CREB5: variants seen among roughly 807,000 people sequenced by gnomAD.
CREB5 encodes cyclic AMP-responsive element-binding protein 5.
Under a neutral mutation model 57.1 loss-of-function variants are expected in CREB5, and 19 were observed. The ratio of observed to expected loss-of-function variants is 0.33; its 90% CI spans 0.23 to 0.49. The LOEUF (loss-of-function observed/expected upper bound fraction) is 0.49, where lower values mean the gene tolerates loss of function less well. Ranked by LOEUF, CREB5 falls within the 20% of genes least tolerant of loss-of-function variation. CREB5 has a pLI of 0.99. For missense variants in CREB5, 579 were observed against 671.6 expected, an observed-to-expected ratio of 0.86 and a Z score of 1.52; for synonymous variants, 238 against 238.3, an observed-to-expected ratio of 1.00 and a Z score of 0.01.
intron 1 of CREB5, among the ~76,000 whole-genome samples, chr7:28,451,450 CTGTGTGTGTGTGTGTGTGTG>C (rs6150047): frequency 3.4e-5 from 5 of 146,922 alleles, no homozygotes; most frequent in South Asian, 4.5e-4. Flanking sequence ...CTTTGCCAAA[CTGTGTGTGTGTGTGTGTGTG>C]TGTGTGTGTG....
chr7:28,815,593 A>G (rs556082664), intron 9 of CREB5, among the ~76,000 whole-genome samples: 1 of 152,310 alleles, frequency 6.6e-6, no homozygotes, highest in South Asian at 2.1e-4. Context: ...GGGCATGCCA[A>G]ATATCATAGG....
upstream of CREB5, chr7:28,410,877 G>A: frequency 3.6e-6 from 1 of 279,154 alleles, no homozygotes; most frequent in South Asian, 3.6e-5. Flanking sequence ...ACACACTCGT[G>A]CAATCGCCGG....
At chr7:28,391,469 T>G (rs180718373) in intron 1 of CREB5, among the ~76,000 whole-genome samples, 1 of 152,384 alleles carries the variant, frequency 6.6e-6, no homozygotes, top group East Asian at 1.9e-4. Flanking sequence ...ATAAAACTTG[T>G]ATTCAAAATG....
chr7:28,644,981 A>G (rs967418993), intron 5 of CREB5, among the ~76,000 whole-genome samples: 1 of 152,142 alleles, frequency 6.6e-6, no homozygotes, highest in African/African-American at 2.4e-5. Flanking sequence ...CTTGGCCAAC[A>G]ACGCGTACCT....
rs1315767120 is a variant in CREB5 at position 28,824,673 on chromosome 7, A to C, written c.*5394A>C. On this transcript the variant is annotated 3_prime_UTR_variant, in exon 11 of 11. Transcript: ENST00000357727. Reference sequence around the variant, plus strand: ...AGTGAATGTCCATTCAAAATATTTTACTATTTCTTGTGGAGTTTTTCAGTG... The same window carrying C: ...AGTGAATGTCCATTCAAAATATTTTCCTATTTCTTGTGGAGTTTTTCAGTG... 6.5e-6 allele frequency: 1 copy of C among 152,674 alleles called. No individual in the cohort carries two copies. Among genetic ancestry groups the C allele is most frequent in the East Asian group, 1.9e-4 (1 of 5,208 alleles). 9.5% of individuals were successfully genotyped at this position (152,674 alleles called of 1,614,324 possible). A position where few individuals can be genotyped will look rare whatever the true frequency, so the allele number is the denominator to read the frequency against.
intron 5 of CREB5, among the ~76,000 whole-genome samples, chr7:28,641,120 C>T (rs541816421): frequency 1.3e-5 from 2 of 152,086 alleles, no homozygotes; most frequent in African/African-American, 4.8e-5. Flanking sequence ...GTCAAGAATC[C>T]CTAGTGGAAA....
At chr7:28,540,776 A>C (rs969314857) in intron 4 of CREB5, among the ~76,000 whole-genome samples, 2 of 152,192 alleles carry the variant, frequency 1.3e-5, no homozygotes, top group Non-Finnish European at 2.9e-5. Flanking sequence ...GTGTGATTGT[A>C]AGAAGGTCAG....
At chr7:28,548,489 T>C (rs140336258) in intron 4 of CREB5, among the ~76,000 whole-genome samples, 7 of 152,316 alleles carry the variant, frequency 4.6e-5, no homozygotes, top group African/African-American at 1.7e-4. Context: ...AAGCAAAGAA[T>C]AATTATAGTA....
At chr7:28,814,870 T>G (rs1308190330) in intron 9 of CREB5, among the ~76,000 whole-genome samples, 1 of 152,220 alleles carries the variant, frequency 6.6e-6, no homozygotes. Context: ...CATAGTTATA[T>G]GTATATGGAT....
At chr7:28,650,084 C>T (rs1799066075) in intron 5 of CREB5, among the ~76,000 whole-genome samples, 1 of 152,278 alleles carries the variant, frequency 6.6e-6, no homozygotes, top group East Asian at 1.9e-4. Flanking sequence ...ATTGTGTACA[C>T]ACCAATAGTC....
intron 4 of CREB5, among the ~76,000 whole-genome samples, chr7:28,563,162 T>C (rs1795344982): frequency 6.6e-6 from 1 of 152,218 alleles, no homozygotes; most frequent in Non-Finnish European, 1.5e-5. Flanking sequence ...TTAGCCATTA[T>C]TAATATTACT....
chr7:28,796,894 T>G (rs948947447), intron 7 of CREB5, among the ~76,000 whole-genome samples: 29 of 152,308 alleles, frequency 1.9e-4, no homozygotes, highest in Non-Finnish European at 1.9e-4. Flanking sequence ...GGATAGAAGT[T>G]TGTTCTGAAA....
intron 1 of CREB5, among the ~76,000 whole-genome samples, chr7:28,385,404 T>C (rs2191831): frequency 0.99 from 150,563 of 152,302 alleles, 74,450 homozygotes; most frequent in East Asian, 1. Context: ...AGGCCAGGCG[T>C]GGTGGCTCAT....
At chr7:28,602,121 TTTTA>T (rs111244413) in intron 5 of CREB5, among the ~76,000 whole-genome samples, 7,035 of 152,002 alleles carry the variant, frequency 0.046, 599 homozygotes, top group African/African-American at 0.16. Flanking sequence ...ATTTGGGCTA[TTTTA>T]TTTATTTATT....
intron 1 of CREB5, among the ~76,000 whole-genome samples, chr7:28,434,946 T>C (rs372450314): frequency 6.9e-4 from 49 of 70,554 alleles, no homozygotes; most frequent in African/African-American, 2.2e-3. Flanking sequence ...TGAATGGTGT[T>C]GTTTAATGTT....
At chr7:28,686,161 C>T (rs2128727142) in intron 5 of CREB5, 1 of 1,613,830 alleles carries the variant, frequency 6.2e-7, no homozygotes, top group South Asian at 1.1e-5. Context: ...ATGTTCTGCA[C>T]CTCAGGAGGG....
At chr7:28,561,988 C>T (rs1562799263) in intron 4 of CREB5, among the ~76,000 whole-genome samples, 4 of 152,286 alleles carry the variant, frequency 2.6e-5, no homozygotes, top group South Asian at 2.1e-4. Flanking sequence ...TCAGGTGATC[C>T]GACTGCCTTG....
intron 1 of CREB5, among the ~76,000 whole-genome samples, chr7:28,394,960 T>C (rs937131950): frequency 2.6e-5 from 4 of 152,244 alleles, no homozygotes; most frequent in Non-Finnish European, 5.9e-5. Flanking sequence ...TACTGGGAAA[T>C]GTTCATCAAA....
In CREB5 at chr7:28,821,448, A is replaced by G. The variant is rs935862633; in HGVS notation, c.*2169A>G. 1.3e-5 allele frequency: 2 copies of G among 151,626 alleles called. No individual in the cohort carries two copies. Among genetic ancestry groups the G allele is most frequent in the African/African-American group, 4.8e-5 (2 of 41,352 alleles). 9.4% of individuals were successfully genotyped at this position (151,626 alleles called of 1,614,324 possible). A position where few individuals can be genotyped will look rare whatever the true frequency, so the allele number is the denominator to read the frequency against. ...TATGACTTGGATATATGGTTGAAGA[A>G]TCAAAACAAAAGCAAAAAAAAAAAG... is the stretch of plus-strand genomic sequence containing the variant. On this transcript the variant is annotated 3_prime_UTR_variant, in exon 11 of 11. Transcript: ENST00000357727.
Sources: allele counts gnomAD v4.1 joint callset (sites outside exome capture counted in the v4.1 genomes callset), GRCh38; gene constraint gnomAD v4.1.1; transcripts MANE v1.5; gene names NCBI Gene and HGNC (gene_info 2026-07-23, HGNC 2026-07-21).